Variants in ERBB4 observed in about 807,000 individuals in gnomAD.
The protein encoded by ERBB4 is erb-b2 receptor tyrosine kinase 4, also known as receptor tyrosine-protein kinase erbB-4.
Under a neutral mutation model 158.0 loss-of-function variants are expected in ERBB4, and 42 were observed. The observed-to-expected ratio is 0.27, with a 90% CI of 0.21 to 0.34. The LOEUF (loss-of-function observed/expected upper bound fraction) is 0.34, where lower values mean the gene tolerates loss of function less well. ERBB4 is among the 10% of genes least tolerant of loss of function. The probability of loss-of-function intolerance (pLI) is 1.00; values close to 1 mark genes in which losing one functional copy is unlikely to be tolerated. For missense variants in ERBB4, 1,333 were observed against 1,624.1 expected, an observed-to-expected ratio of 0.82 and a Z score of 3.08; for synonymous variants, 583 against 558.7, an observed-to-expected ratio of 1.04 and a Z score of -0.61.
At chr2:211,674,950 T>C (rs1391790255) in intron 13 of ERBB4, among the ~76,000 whole-genome samples, 1 of 152,174 alleles carries the variant, frequency 6.6e-6, no homozygotes, top group African/African-American at 2.4e-5. Context: ...ATAAAATGTA[T>C]GTCATAAAAC....
chr2:212,349,201 G>T (rs1486610023), intron 1 of ERBB4, among the ~76,000 whole-genome samples: 2 of 151,672 alleles, frequency 1.3e-5, no homozygotes, highest in African/African-American at 4.8e-5. Context: ...TTTTATACCT[G>T]GGCTGTTAAT....
At chr2:212,517,994 T>C (rs1691938122) in intron 1 of ERBB4, among the ~76,000 whole-genome samples, 1 of 152,050 alleles carries the variant, frequency 6.6e-6, no homozygotes, top group Non-Finnish European at 1.5e-5. Context: ...CCTGTAAAAA[T>C]ACATTATTCT....
rs1010213823 is a variant in ERBB4, at chr2:212,277,735, C to T, written c.83-152832G>A. On this transcript the variant is annotated intron_variant, in intron 1 of 27. Transcript: ENST00000342788. ...TTTTCCTCCCTGGACTCTAAGATTC[C>T]CTTTCTTGTTCATCTTTATATGCTG... Among the ~76,000 whole-genome samples, 3 of 151,620 alleles carry T rather than the reference C, an allele frequency of 2.0e-5. No homozygotes were observed. In the Admixed American group the frequency reaches 2.0e-4, roughly 10 times the overall value.
chr2:212,298,458 C>A (rs1317142200), intron 1 of ERBB4, among the ~76,000 whole-genome samples: 1 of 151,570 alleles, frequency 6.6e-6, no homozygotes, highest in Non-Finnish European at 1.5e-5. Context: ...TCCAGAGTAG[C>A]TTCTCTTATT....
chr2:211,532,020 A>C (rs985221702), intron 20 of ERBB4, among the ~76,000 whole-genome samples: 2 of 152,090 alleles, frequency 1.3e-5, no homozygotes, highest in African/African-American at 2.4e-5. Context: ...CATTATGTTA[A>C]GTGAAATTAA....
intron 1 of ERBB4, among the ~76,000 whole-genome samples, chr2:212,338,848 G>A (rs990933297): frequency 2.6e-5 from 4 of 151,952 alleles, no homozygotes; most frequent in South Asian, 2.1e-4. Context: ...ACGCATACAC[G>A]GTAACACGAA....
chr2:211,877,566 C>CTT (rs574975903), intron 3 of ERBB4, among the ~76,000 whole-genome samples: 22,085 of 147,104 alleles, frequency 0.15, 1,722 homozygotes, highest in Non-Finnish European at 0.17. Context: ...TTTAAAATGT[C>CTT]TTTTTTTTTT....
intron 20 of ERBB4, among the ~76,000 whole-genome samples, chr2:211,504,746 T>G (rs901870692): frequency 2.6e-5 from 4 of 152,026 alleles, no homozygotes; most frequent in African/African-American, 9.7e-5. Flanking sequence ...TAGAGATAAA[T>G]ATATTTTTGA....
intron 5 of ERBB4, among the ~76,000 whole-genome samples, chr2:211,742,081 G>A (rs759779715): frequency 8.5e-5 from 13 of 152,158 alleles, no homozygotes; most frequent in Non-Finnish European, 1.8e-4. Context: ...AAAGTTATTA[G>A]TAAAATACAA....
chr2:211,716,727 AAAAG>A (rs1048572275), intron 7 of ERBB4, among the ~76,000 whole-genome samples: 4 of 152,158 alleles, frequency 2.6e-5, no homozygotes, highest in African/African-American at 4.8e-5. Flanking sequence ...AAACAAAAAA[AAAAG>A]AAGAAGCTTA....
At chr2:212,048,167 AG>A (rs2077306453) in intron 2 of ERBB4, among the ~76,000 whole-genome samples, 1 of 152,160 alleles carries the variant, frequency 6.6e-6, no homozygotes, top group Non-Finnish European at 1.5e-5. Context: ...AGCATGGCTA[AG>A]GAAGGTGAGA....
At chr2:212,049,671 T>A (rs1045245022) in intron 2 of ERBB4, among the ~76,000 whole-genome samples, 3 of 152,216 alleles carry the variant, frequency 2.0e-5, no homozygotes, top group African/African-American at 7.2e-5. Context: ...TGGTTGTTGA[T>A]ATTTTAGGTT....
At chr2:211,511,002 A>G (rs1468915080) in intron 20 of ERBB4, among the ~76,000 whole-genome samples, 10 of 152,064 alleles carry the variant, frequency 6.6e-5, no homozygotes, top group Non-Finnish European at 1.2e-4. Flanking sequence ...TATGAAAAAA[A>G]TGAAAAGCAC....
chr2:212,481,300 T>C (rs1575000902), intron 1 of ERBB4, among the ~76,000 whole-genome samples: 2 of 152,144 alleles, frequency 1.3e-5, no homozygotes, highest in African/African-American at 4.8e-5. Flanking sequence ...GAAAGCAGCT[T>C]TTAATGCATT....
At chr2:211,873,779 TA>T (rs2078420050) in intron 3 of ERBB4, among the ~76,000 whole-genome samples, 1 of 151,188 alleles carries the variant, frequency 6.6e-6, no homozygotes, top group African/African-American at 2.4e-5. Flanking sequence ...CATACGTATA[TA>T]TTTTTTTGTC....
intron 1 of ERBB4, among the ~76,000 whole-genome samples, chr2:212,354,111 G>C (rs750462368): frequency 2.6e-5 from 4 of 151,940 alleles, no homozygotes; most frequent in Admixed American, 2.6e-4. Context: ...ACCAATGAAG[G>C]CTCTTCATAT....
chr2:211,561,153 A>C, intron 20 of ERBB4, among the ~76,000 whole-genome samples: 1 of 152,220 alleles, frequency 6.6e-6, no homozygotes. Flanking sequence ...GAAGTTGCAC[A>C]CTAGCAGACT....
intron 20 of ERBB4, among the ~76,000 whole-genome samples, chr2:211,536,543 T>C (rs1295725383): frequency 6.6e-6 from 1 of 151,874 alleles, no homozygotes; most frequent in Non-Finnish European, 1.5e-5. Flanking sequence ...GAGCGAATGA[T>C]TGGGCAGTGT....
chr2:211,650,034 G>C (rs2105879241), intron 16 of ERBB4, among the ~76,000 whole-genome samples: 1 of 151,844 alleles, frequency 6.6e-6, no homozygotes, highest in East Asian at 1.9e-4. Flanking sequence ...GGCATGAAGA[G>C]AGCAATTTGA....
Sources: allele counts gnomAD v4.1 joint callset (sites outside exome capture counted in the v4.1 genomes callset), GRCh38; gene constraint gnomAD v4.1.1; transcripts MANE v1.5; gene names NCBI Gene and HGNC (gene_info 2026-07-23, HGNC 2026-07-21).